Variants in PTBP3 observed in about 807,000 individuals in gnomAD.
PTBP3 encodes the protein polypyrimidine tract-binding protein 3.
PTBP3 carries 20 observed loss-of-function variants against 58.7 expected under a neutral mutation model. The ratio of observed to expected loss-of-function variants is 0.34; its 90% CI spans 0.24 to 0.50. PTBP3 has a LOEUF of 0.50. PTBP3 is among the 20% of genes least tolerant of loss of function. The probability of loss-of-function intolerance (pLI) is 0.98; values close to 1 mark genes in which losing one functional copy is unlikely to be tolerated. For missense variants in PTBP3, 509 were observed against 637.2 expected (o/e 0.80, Z 2.17); for synonymous variants, 185 against 219.8 (o/e 0.84, Z 1.40).
intron 4 of PTBP3, among the ~76,000 whole-genome samples, chr9:112,264,588 T>C (rs1836723178): frequency 6.6e-6 from 1 of 152,202 alleles, no homozygotes; most frequent in Admixed American, 6.5e-5. Flanking sequence ...TCTGGGAATG[T>C]CAGAATAAAA....
chr9:112,231,947 GAGA>G (rs745896663), intron 9 of PTBP3, 149 bp downstream of exon 9: 106 of 422,216 alleles, frequency 2.5e-4, no homozygotes, highest in East Asian at 9.7e-4. Context: ...GAGAAGAGAA[GAGA>G]AGAGAAGAGA....
intron 7 of PTBP3, among the ~76,000 whole-genome samples, chr9:112,241,385 G>A (rs528632006): frequency 1.1e-4 from 16 of 152,288 alleles, no homozygotes; most frequent in Admixed American, 3.9e-4. Context: ...ATTACAGGGT[G>A]AGCCACCATG....
In PTBP3 at chr9:112,321,520, C is replaced by T. The variant is rs1208201487; in HGVS notation, c.-52+11950G>A. ...CCCCAGCCTGGGCAACAGAGTGAGA[C>T]GTAGTCTGAAAAAAAAAAAAAAGAA... is the stretch of plus-strand genomic sequence containing the variant. On this transcript the variant is annotated intron_variant, in intron 1 of 13. Coordinates refer to ENST00000374257, the MANE Select transcript of PTBP3 (RefSeq NM_001163788.4). Among the ~76,000 whole-genome samples the T allele has an allele frequency of 6.9e-5, 7 of 101,518 alleles. No individual in the cohort carries two copies. In the South Asian group the frequency reaches 1.3e-3, roughly 18 times the overall value. 66.6% of individuals were successfully genotyped at this position (101,518 alleles called of 152,430 possible).
chr9:112,274,886 A>G (rs960749105), intron 3 of PTBP3, among the ~76,000 whole-genome samples: 2 of 152,198 alleles, frequency 1.3e-5, no homozygotes, highest in African/African-American at 4.8e-5. Flanking sequence ...AATCAGCACA[A>G]TAAGTCCCTA....
At chr9:112,256,520 T>C (rs1214372074) in intron 5 of PTBP3, among the ~76,000 whole-genome samples, 3 of 151,988 alleles carry the variant, frequency 2.0e-5, no homozygotes, top group Non-Finnish European at 4.4e-5. Context: ...TGGAGAATTA[T>C]AGCAATATGC....
chr9:112,254,775 T>C (rs747063736), intron 5 of PTBP3, among the ~76,000 whole-genome samples: 34 of 152,184 alleles, frequency 2.2e-4, no homozygotes, highest in Non-Finnish European at 4.1e-4. Context: ...TTGGTAGAAA[T>C]GTAAAATGTT....
chr9:112,297,811 A>C, intron 2 of PTBP3, 21 bp downstream of exon 2: 1 of 868,636 alleles, frequency 1.2e-6, no homozygotes, highest in Non-Finnish European at 1.6e-6. Context: ...ATCAAATATT[A>C]AAAAAAAAAA....
the PTBP3 span, among the ~76,000 whole-genome samples, chr9:112,343,555 C>T: frequency 2.6e-5 from 4 of 151,964 alleles, no homozygotes; most frequent in Admixed American, 1.3e-4. Context: ...TTTGGGAGGC[C>T]GAGGTGGGCA....
rs765316800 is a variant in PTBP3, at chr9:112,252,756, A to C, written c.549T>G (p.Ile183Met). The C allele has an allele frequency of 3.1e-6, 5 of 1,611,976 alleles. No individual in the cohort carries two copies. Among genetic ancestry groups the C allele is most frequent in the Non-Finnish European group, 4.2e-6 (5 of 1,178,570 alleles). The change falls in exon 6 of 14, where the codon ATT becomes ATG. Residue 183 changes from isoleucine to methionine, a missense_variant. By Grantham distance (10) the Ile-to-Met change is conservative (BLOSUM62 1). Around this residue, in one of 4 missense-constraint regions of PTBP3, gnomAD observed 41 missense variants for 78.0 expected, o/e 0.53. Transcript: ENST00000374257. ...IFSKFGTVLK[I>M]ITFTKNNQFQ... The stretch of plus-strand genomic sequence containing the variant: ...ACTGATTATTCTTTGTAAAGGTGAT[A>C]ATCTTCAAGACTGTGCCAAATTTAG...
upstream of PTBP3, among the ~76,000 whole-genome samples, chr9:112,335,405 C>T (rs1460133612): frequency 6.6e-6 from 1 of 151,774 alleles, no homozygotes; most frequent in Non-Finnish European, 1.5e-5. Flanking sequence ...CCTGCCTCAG[C>T]CTCCTGAGTA....
Position 112,251,972 on chromosome 9 carries a change from T to G in PTBP3, c.627+706A>C, listed in dbSNP as rs148912026. Among the ~76,000 whole-genome samples, 552 of 152,294 alleles carry G rather than the reference T, an allele frequency of 3.6e-3. 4 individuals carry two copies. Among genetic ancestry groups the G allele is most frequent in the African/African-American group, 0.013 (533 of 41,566 alleles). ...TACCACAAGCCATAGTCCTCATCTT[T>G]GACCAAAAAGTAGAAATGACTAGCA... On this transcript the variant is annotated intron_variant, in intron 6 of 13. Coordinates refer to ENST00000374257, the MANE Select transcript of PTBP3 (RefSeq NM_001163788.4).
chr9:112,235,511 C>G (rs1835404720), intron 7 of PTBP3, among the ~76,000 whole-genome samples: 1 of 152,134 alleles, frequency 6.6e-6, no homozygotes, highest in South Asian at 2.1e-4. Flanking sequence ...TTTAAGAAGC[C>G]TGTTGACTGT....
At chr9:112,242,952 T>C (rs892919817) in intron 7 of PTBP3, 1 of 152,200 alleles carries the variant, frequency 6.6e-6, no homozygotes, top group African/African-American at 2.4e-5. Context: ...AAAACCGACT[T>C]GTTGAAAGAC....
rs563387091 is a variant in PTBP3 at position 112,233,515 on chromosome 9, A to G, written c.881-1277T>C. 2.0e-5 allele frequency among the ~76,000 whole-genome samples: 3 copies of G among 152,290 alleles called. No individual in the cohort carries two copies. In the South Asian group the frequency reaches 6.2e-4, roughly 32 times the overall value. On this transcript the variant is annotated intron_variant, in intron 8 of 13. Coordinates refer to ENST00000374257, the MANE Select transcript of PTBP3 (RefSeq NM_001163788.4). Reference sequence around the variant, plus strand: ...AAATAAACTATGTTTTTAACACAATAGGTAGAATATTCACTTAATTAAACA... The same window carrying G: ...AAATAAACTATGTTTTTAACACAATGGGTAGAATATTCACTTAATTAAACA...
rs1564383718 is a variant in PTBP3 at position 112,223,682 on chromosome 9, AG to A, written c.*168del. 7.4e-7 allele frequency: 1 copy of A among 1,345,260 alleles called. No individual in the cohort carries two copies. The highest frequency in any genetic ancestry group is 9.5e-7 in the Non-Finnish European group (1 of 1,048,382). The allele number at this position is 1,345,260 out of a possible 1,614,324, so 83.3% of individuals were successfully genotyped here. On this transcript the variant is annotated 3_prime_UTR_variant, in exon 14 of 14. Coordinates refer to ENST00000374257, the MANE Select transcript of PTBP3 (RefSeq NM_001163788.4). The stretch of plus-strand genomic sequence containing the variant: ...AAAGAAACCTTTGACTGGCGGGGGC[AG>A]GGGGAATACAAAAAAAAAAAATCCC...
At chr9:112,356,809 C>T in the PTBP3 span, among the ~76,000 whole-genome samples, 1 of 150,126 alleles carries the variant, frequency 6.7e-6, no homozygotes, top group South Asian at 2.1e-4. Flanking sequence ...CACACACACA[C>T]ACACACACAC....
chr9:112,279,001 T>C (rs1827741653), intron 2 of PTBP3, among the ~76,000 whole-genome samples: 1 of 152,174 alleles, frequency 6.6e-6, no homozygotes, highest in South Asian at 2.1e-4. Context: ...TTATTTGCCA[T>C]AATTAAGAAT....
the PTBP3 span, among the ~76,000 whole-genome samples, chr9:112,373,565 G>A: frequency 4.1e-4 from 62 of 152,180 alleles, no homozygotes; most frequent in African/African-American, 1.2e-3. Flanking sequence ...GTTGACACTC[G>A]GTATTAACCA....
At chr9:112,356,926 C>T in the PTBP3 span, among the ~76,000 whole-genome samples, 1 of 128,786 alleles carries the variant, frequency 7.8e-6, no homozygotes, top group African/African-American at 3.0e-5. Context: ...GTTGCCCAGG[C>T]TGGAGTGCAA....
Sources: allele counts gnomAD v4.1 joint callset (sites outside exome capture counted in the v4.1 genomes callset), GRCh38; gene constraint gnomAD v4.1.1; regional missense constraint gnomAD v4.1.1; transcripts MANE v1.5; gene names NCBI Gene and HGNC (gene_info 2026-07-23, HGNC 2026-07-21).